The following ATP2B2 variants were observed in gnomAD, a reference collection of about 807,000 sequenced individuals.
ATP2B2 encodes ATPase plasma membrane Ca2+ transporting 2, also known as plasma membrane calcium-transporting ATPase 2.
ATP2B2 carries 15 observed loss-of-function variants against 120.0 expected under a neutral mutation model. That is an observed-to-expected ratio of 0.12 (90% CI 0.08 to 0.19). The LOEUF is 0.19. ATP2B2 is among the 10% of genes least tolerant of loss of function. The pLI is 1.00. For synonymous variants in ATP2B2, 694 were observed against 700.3 expected, an observed-to-expected ratio of 0.99 and a Z score of 0.14; for missense variants, 1,045 against 1,719.8, an observed-to-expected ratio of 0.61 and a Z score of 6.94.
Position 10,336,076 on chromosome 3 carries a change from C to T in ATP2B2, c.3420+2100G>A, listed in dbSNP as rs150074749. On this transcript the variant is annotated intron_variant, in intron 22 of 22. Coordinates refer to ENST00000360273, the MANE Select transcript of ATP2B2 (RefSeq NM_001001331.4). Reference sequence around the variant, plus strand: ...CTCTGGTGCCCCAGCCCCTGCCCGCCTGGGAGCTGGCGTGGGCAGTGCCAG... The same window carrying T: ...CTCTGGTGCCCCAGCCCCTGCCCGCTTGGGAGCTGGCGTGGGCAGTGCCAG... 6.7e-3 allele frequency: 10,348 copies of T among 1,534,214 alleles called. 40 individuals carry two copies. Among genetic ancestry groups the T allele is most frequent in the South Asian group, 9.9e-3 (821 of 83,182 alleles).
intron 5 of ATP2B2, among the ~76,000 whole-genome samples, chr3:10,398,350 G>GTCTTCCATCAACCCAGGCT (rs1214258844): frequency 1.3e-5 from 2 of 152,254 alleles, no homozygotes; most frequent in Non-Finnish European, 2.9e-5. Context: ...CGCCCCAGGC[G>GTCTTCCATCAACCCAGGCT]TCTTCCATCA....
upstream of ATP2B2, among the ~76,000 whole-genome samples, chr3:10,506,576 A>G (rs1426908811): frequency 3.3e-5 from 5 of 152,168 alleles, no homozygotes; most frequent in Non-Finnish European, 7.4e-5. Context: ...GAGCAAGGTT[A>G]GGAGGTCACC....
At position 10,375,475 on chromosome 3, in the gene ATP2B2, C is replaced by T; in HGVS notation, c.1371G>A (p.Glu457=). Reference sequence around the variant, plus strand: ...AGATGGTGACGGCCAGAGGGAGCCCCTCGGGCACGGCGACCACCAGCACCG... The same window carrying T: ...AGATGGTGACGGCCAGAGGGAGCCCTTCGGGCACGGCGACCACCAGCACCG... The part of the protein sequence containing the change: ...GVTVLVVAVP[E]GLPLAVTISL... Residue 457 remains glutamate, a synonymous_variant, in exon 11 of 23, where the codon GAG becomes GAA. Transcript: ENST00000360273. The surrounding 1 kb of genome is among the most constrained non-coding windows in gnomAD (Gnocchi z 4.2). 1 of 1,613,216 alleles carries T rather than the reference C, an allele frequency of 6.2e-7. No individual in the cohort carries two copies. The highest frequency in any genetic ancestry group is 8.5e-7 in the Non-Finnish European group (1 of 1,179,974).
rs2059853145 is a variant in ATP2B2, at chr3:10,326,124, TA to T, written c.*2689del. On this transcript the variant is annotated 3_prime_UTR_variant, in exon 23 of 23. Coordinates refer to ENST00000360273, the MANE Select transcript of ATP2B2 (RefSeq NM_001001331.4). Reference sequence around the variant, plus strand: ...ATTATTGTCTAGATAAAAAAATTCATAAAAACAGATGAATGGTCATAAATTA... The same window carrying T: ...ATTATTGTCTAGATAAAAAAATTCATAAAACAGATGAATGGTCATAAATTA... 1 of 152,490 alleles carries T rather than the reference TA, an allele frequency of 6.6e-6. No individual in the cohort carries two copies. Among genetic ancestry groups the T allele is most frequent in the Admixed American group, 6.5e-5 (1 of 15,270 alleles). 9.4% of individuals were successfully genotyped at this position (152,490 alleles called of 1,614,324 possible).
chr3:10,350,031 G>T, intron 16 of ATP2B2, 81 bp downstream of exon 16: 1 of 1,417,996 alleles, frequency 7.1e-7, no homozygotes, highest in Non-Finnish European at 9.9e-7. Context: ...CTGGGAAGAA[G>T]CTGCAAGTGC....
At chr3:10,446,983 C>T (rs988695513) in intron 2 of ATP2B2, among the ~76,000 whole-genome samples, 1 of 152,242 alleles carries the variant, frequency 6.6e-6, no homozygotes, top group Non-Finnish European at 1.5e-5. Context: ...TGCTGTAGGC[C>T]ATACTACATG....
At chr3:10,615,643 C>G (rs1434603) in intron 2 of ATP2B2, among the ~76,000 whole-genome samples, 76,336 of 151,976 alleles carry the variant, frequency 0.5, 20,364 homozygotes, top group Middle Eastern at 0.6. Flanking sequence ...TTCTGCTAAA[C>G]TCAGCAACCA....
chr3:10,378,175 A>C (rs2061430900), intron 10 of ATP2B2, 77 bp downstream of exon 10: 2 of 1,551,486 alleles, frequency 1.3e-6, no homozygotes, highest in African/African-American at 2.7e-5. Flanking sequence ...GAGGTAACTG[A>C]GGCCGAGCAT....
chr3:10,541,220 CTG>C (rs2067432709), intron 2 of ATP2B2, among the ~76,000 whole-genome samples: 1 of 152,080 alleles, frequency 6.6e-6, no homozygotes, highest in Non-Finnish European at 1.5e-5. Flanking sequence ...AGAAATATCT[CTG>C]TGTTTCATTG....
At chr3:10,664,567 T>C (rs1238552820) in intron 1 of ATP2B2, among the ~76,000 whole-genome samples, 1 of 152,116 alleles carries the variant, frequency 6.6e-6, no homozygotes, top group Non-Finnish European at 1.5e-5. Context: ...ACAGCTCCCC[T>C]CCTCCTGGCA....
intron 2 of ATP2B2, among the ~76,000 whole-genome samples, chr3:10,447,182 T>C (rs558893714): frequency 6.6e-6 from 1 of 152,348 alleles, no homozygotes; most frequent in South Asian, 2.1e-4. Context: ...TGGGACTTAG[T>C]AGCTGTGTCT....
At chr3:10,617,685 G>A (rs928410644) in intron 2 of ATP2B2, among the ~76,000 whole-genome samples, 2 of 152,256 alleles carry the variant, frequency 1.3e-5, no homozygotes, top group African/African-American at 2.4e-5. Context: ...CAGAGGGTCT[G>A]AGAGTGCTGG....
At chr3:10,498,099 C>T (rs536176813) in intron 1 of ATP2B2, among the ~76,000 whole-genome samples, 7 of 152,366 alleles carry the variant, frequency 4.6e-5, no homozygotes, top group African/African-American at 1.7e-4. Context: ...TTGTCAGGCA[C>T]AACCTGGCTT....
intron 6 of ATP2B2, 129 bp from the exon 7 acceptor site, chr3:10,386,641 A>G (rs2061689611): frequency 4.8e-6 from 5 of 1,032,306 alleles, no homozygotes; most frequent in African/African-American, 4.7e-5. Flanking sequence ...TCATCCTGAA[A>G]TGGGGACATG....
chr3:10,580,872 G>A (rs1176371194), intron 2 of ATP2B2, among the ~76,000 whole-genome samples: 5 of 152,184 alleles, frequency 3.3e-5, no homozygotes, highest in African/African-American at 1.2e-4. Context: ...GTGTATCCAT[G>A]GCCGTTTTCA....
chr3:10,479,206 T>C (rs567737233), intron 1 of ATP2B2, among the ~76,000 whole-genome samples: 42 of 151,698 alleles, frequency 2.8e-4, no homozygotes, highest in African/African-American at 9.4e-4. Flanking sequence ...CATCACAGCA[T>C]CCTCCTGCCC....
At chr3:10,574,920 G>C (rs1285675384) in intron 2 of ATP2B2, among the ~76,000 whole-genome samples, 3 of 152,176 alleles carry the variant, frequency 2.0e-5, no homozygotes, top group African/African-American at 7.2e-5. Flanking sequence ...GTCCCTTGCA[G>C]GGAGTGTGGT....
At chr3:10,534,371 G>T (rs1035504178) in intron 2 of ATP2B2, among the ~76,000 whole-genome samples, 2 of 152,210 alleles carry the variant, frequency 1.3e-5, no homozygotes, top group Non-Finnish European at 2.9e-5. Flanking sequence ...TGCTGGCAGG[G>T]GTCTCTCTGT....
chr3:10,409,862 T>G (rs13317445), intron 3 of ATP2B2, among the ~76,000 whole-genome samples: 1 of 152,136 alleles, frequency 6.6e-6, no homozygotes, highest in Non-Finnish European at 1.5e-5. Flanking sequence ...TTAGGAAATG[T>G]TGAATCACAA....
Sources: gnomAD v4.1 joint callset for allele counts (sites outside exome capture counted in the v4.1 genomes callset) on GRCh38, gnomAD v4.1.1 for gene constraint, Gnocchi (gnomAD v3.1) non-coding constraint, MANE v1.5 for transcripts, NCBI Gene and HGNC (gene_info 2026-07-23, HGNC 2026-07-21) for gene names.